PALLD: variants seen among roughly 807,000 people sequenced by gnomAD.
PALLD encodes palladin, cytoskeletal associated protein, also known as palladin.
A neutral mutation model predicts 123.5 loss-of-function variants in PALLD; 61 were observed. The ratio of observed to expected loss-of-function variants is 0.49; its 90% confidence interval spans 0.40 to 0.61. PALLD has a LOEUF of 0.61. Ranked by LOEUF, PALLD falls within the 20% of genes least tolerant of loss-of-function variation. The pLI, the probability that PALLD is intolerant of heterozygous loss-of-function variation, is 0.00. For synonymous variants in PALLD, 465 were observed against 496.4 expected (o/e 0.94, Z 0.84); for missense variants, 1,273 against 1,377.0 (o/e 0.92, Z 1.20).
chr4:168,569,650 A>C (rs1049761562), intron 2 of PALLD, among the ~76,000 whole-genome samples: 2 of 152,176 alleles, frequency 1.3e-5, no homozygotes, highest in African/African-American at 4.8e-5. Flanking sequence ...ACTAAAATTA[A>C]GCAGGCTGCA....
chr4:168,499,257 AG>A lies in PALLD; in HGVS notation c.-83+2065del, dbSNP rs200182300. Reference sequence around the variant, plus strand: ...GGAAGAAGGAAGGGAGAAGGGAGGGAGGAAGGGAGGGAGGATGGGAGGGAGG... The same window carrying A: ...GGAAGAAGGAAGGGAGAAGGGAGGGAGAAGGGAGGGAGGATGGGAGGGAGG... On this transcript the variant is annotated intron_variant, in intron 1 of 21. Transcript: ENST00000505667. 5.5e-3 allele frequency among the ~76,000 whole-genome samples: 373 copies of A among 67,648 alleles called. 12 individuals are homozygous for A. Among genetic ancestry groups the A allele is most frequent in the African/African-American group, 0.02 (334 of 17,050 alleles). 44.4% of individuals were successfully genotyped at this position (67,648 alleles called of 152,430 possible).
At chr4:168,743,857 A>G in intron 10 of PALLD, among the ~76,000 whole-genome samples, 1 of 152,164 alleles carries the variant, frequency 6.6e-6, no homozygotes, top group Middle Eastern at 3.2e-3. Flanking sequence ...ATCTGTGGAC[A>G]TCTCCCAGAT....
At chr4:168,842,707 T>C (rs1746219257) in intron 10 of PALLD, among the ~76,000 whole-genome samples, 2 of 152,206 alleles carry the variant, frequency 1.3e-5, no homozygotes, top group South Asian at 2.1e-4. Context: ...GTCCCTGTCA[T>C]GTAAGGAGGT....
intron 3 of PALLD, among the ~76,000 whole-genome samples, chr4:168,678,333 G>T (rs1580910687): frequency 6.6e-6 from 1 of 152,088 alleles, no homozygotes; most frequent in East Asian, 1.9e-4. Context: ...CAGACGCCGG[G>T]CACATAGGAC....
intron 10 of PALLD, among the ~76,000 whole-genome samples, chr4:168,876,068 A>G (rs900264321): frequency 2.6e-5 from 4 of 152,346 alleles, no homozygotes; most frequent in African/African-American, 9.6e-5. Context: ...AGCCACACAG[A>G]TGGCTTCTAA....
rs1732446726 is a variant in PALLD at position 168,759,205 on chromosome 4, ATATAT to A, written c.1964+47283_1964+47287del. On this transcript the variant is annotated intron_variant, in intron 10 of 21. Coordinates refer to ENST00000505667, the MANE Select transcript of PALLD (RefSeq NM_001166108.2). ...AAAAAAAAAAAAAAAAAAAAAAAAT[ATATAT>A]ATATATATATATATATATATATATA... is the stretch of plus-strand genomic sequence containing the variant. Among the ~76,000 whole-genome samples the A allele has an allele frequency of 1.8e-3, 80 of 45,220 alleles. 4 individuals are homozygous for A. Among genetic ancestry groups the A allele is most frequent in the African/African-American group, 0.01 (74 of 7,272 alleles). The allele number at this position is 45,220 out of a possible 152,430, so 29.7% of individuals were successfully genotyped here.
intron 2 of PALLD, among the ~76,000 whole-genome samples, chr4:168,526,085 A>T (rs1349813892): frequency 6.6e-6 from 1 of 152,198 alleles, no homozygotes; most frequent in African/African-American, 2.4e-5. Context: ...GTATCTTCTA[A>T]CATGGCCTAG....
intron 10 of PALLD, among the ~76,000 whole-genome samples, chr4:168,853,536 T>C (rs2150990043): frequency 6.6e-6 from 1 of 151,994 alleles, no homozygotes; most frequent in Non-Finnish European, 1.5e-5. Context: ...CCTCGTGTGG[T>C]TTGGAGGCCT....
chr4:168,921,428 C>T lies in PALLD; in HGVS notation c.2851-106C>T, dbSNP rs1311192965. Reference sequence around the variant, plus strand: ...GTCCAAAAAAAAAAAAAAAAAAAAGCCACCTCTTGTACTACTGAAGGAGGA... The same window carrying T: ...GTCCAAAAAAAAAAAAAAAAAAAAGTCACCTCTTGTACTACTGAAGGAGGA... On this transcript the variant is annotated intron_variant, in intron 17 of 21. Transcript: ENST00000505667. 3 of 529,484 alleles carry T rather than the reference C, an allele frequency of 5.7e-6. 1 individual carries two copies. In the South Asian group the frequency reaches 8.0e-5, roughly 14 times the overall value. The allele number at this position is 529,484 out of a possible 1,614,324, so 32.8% of individuals were successfully genotyped here. A position where few individuals can be genotyped will look rare whatever the true frequency, so the allele number is the denominator to read the frequency against.
At chr4:168,687,622 T>C (rs1156976364) in intron 6 of PALLD, among the ~76,000 whole-genome samples, 2 of 152,182 alleles carry the variant, frequency 1.3e-5, no homozygotes, top group Non-Finnish European at 2.9e-5. Flanking sequence ...TTTGCTTTCT[T>C]TCACTACCGG....
chr4:168,615,796 CCTT>C (rs1228056338), intron 2 of PALLD, among the ~76,000 whole-genome samples: 2 of 152,264 alleles, frequency 1.3e-5, no homozygotes, highest in South Asian at 4.1e-4. Flanking sequence ...ACCAGTGACT[CCTT>C]CTGAAAAACC....
At chr4:168,550,689 TC>T (rs1766644481) in intron 2 of PALLD, among the ~76,000 whole-genome samples, 1 of 152,154 alleles carries the variant, frequency 6.6e-6, no homozygotes, top group Non-Finnish European at 1.5e-5. Flanking sequence ...AGCTGGGCAC[TC>T]AAGATCAAAT....
intron 10 of PALLD, chr4:168,877,749 A>G (rs1032254411): frequency 1.3e-4 from 152 of 1,170,678 alleles, no homozygotes; most frequent in Non-Finnish European, 1.6e-4. Flanking sequence ...CAGCAACTCC[A>G]GAACCAAATC....
intron 8 of PALLD, 40 bp from the exon 9 acceptor site, chr4:168,708,988 G>C: frequency 6.2e-7 from 1 of 1,606,754 alleles, no homozygotes; most frequent in Non-Finnish European, 8.5e-7. Context: ...TGACTTCATG[G>C]TTCAACTCTG....
chr4:168,691,152 A>G (rs1257014115), intron 7 of PALLD, 117 bp from the exon 8 acceptor site: 6 of 746,012 alleles, frequency 8.0e-6, no homozygotes, highest in Non-Finnish European at 1.2e-5. Flanking sequence ...TGACTGTAAC[A>G]TTTCTTCAGA....
At chr4:168,914,982 C>G (rs1332761791) in intron 16 of PALLD, among the ~76,000 whole-genome samples, 1 of 152,196 alleles carries the variant, frequency 6.6e-6, no homozygotes, top group Admixed American at 6.5e-5. Flanking sequence ...ATAAACATAG[C>G]ATATACAGGA....
intron 2 of PALLD, among the ~76,000 whole-genome samples, chr4:168,518,942 G>A (rs1763267110): frequency 1.3e-5 from 2 of 152,190 alleles, no homozygotes; most frequent in Admixed American, 1.3e-4. Flanking sequence ...TCATCAAAGA[G>A]AAAATGGATA....
chr4:168,647,258 G>A (rs1374542858), intron 2 of PALLD, among the ~76,000 whole-genome samples: 5 of 152,252 alleles, frequency 3.3e-5, no homozygotes, highest in African/African-American at 1.2e-4. Flanking sequence ...GAAGGGTCTA[G>A]TTAGGATCTA....
At chr4:168,875,630 C>T (rs1026293836) in intron 10 of PALLD, among the ~76,000 whole-genome samples, 1 of 152,286 alleles carries the variant, frequency 6.6e-6, no homozygotes, top group Admixed American at 6.5e-5. Context: ...AGCCAAATCA[C>T]TAGAATGCCC....
Sources: allele counts gnomAD v4.1 joint callset (sites outside exome capture counted in the v4.1 genomes callset), GRCh38; gene constraint gnomAD v4.1.1; transcripts MANE v1.5; gene names NCBI Gene and HGNC (gene_info 2026-07-23, HGNC 2026-07-21).